SCN9A: variants seen among roughly 807,000 people sequenced by gnomAD.
The protein encoded by SCN9A is sodium channel protein type 9 subunit alpha.
Under a neutral mutation model 187.0 loss-of-function variants are expected in SCN9A, and 131 were observed. That is an observed-to-expected ratio of 0.70 (90% CI 0.61 to 0.81). SCN9A has a LOEUF of 0.81. Among genes scored for constraint, SCN9A ranks in the 30% least tolerant of loss-of-function variants. The probability of loss-of-function intolerance (pLI) is 0.00; values close to 1 mark genes in which losing one functional copy is unlikely to be tolerated. For missense variants in SCN9A, 2,252 were observed against 2,396.6 expected, an observed-to-expected ratio of 0.94 and a Z score of 1.26; for synonymous variants, 809 against 808.6, an observed-to-expected ratio of 1.00 and a Z score of -0.01.
At chr2:166,260,724 T>C (rs921007057) in intron 17 of SCN9A, among the ~76,000 whole-genome samples, 2 of 151,856 alleles carry the variant, frequency 1.3e-5, no homozygotes, top group African/African-American at 4.8e-5. Flanking sequence ...TCTATGCCTA[T>C]TATAATTCTG....
At chr2:166,347,198 T>G (rs1207387987) in intron 1 of SCN9A, among the ~76,000 whole-genome samples, 1 of 152,240 alleles carries the variant, frequency 6.6e-6, no homozygotes, top group Non-Finnish European at 1.5e-5. Context: ...CTTGCCGTCT[T>G]TATAGCCCAT....
intron 24 of SCN9A, among the ~76,000 whole-genome samples, chr2:166,208,144 C>G (rs1693905919): frequency 6.6e-6 from 1 of 152,124 alleles, no homozygotes. Flanking sequence ...CCCTTTAAAA[C>G]CTAGGTGGAA....
chr2:166,255,581 C>CA (rs1277071905), intron 17 of SCN9A, among the ~76,000 whole-genome samples: 2 of 151,288 alleles, frequency 1.3e-5, no homozygotes, highest in African/African-American at 4.8e-5. Flanking sequence ...CAGCACTGTA[C>CA]AAAACACAGA....
chr2:166,260,578 G>A lies in SCN9A; in HGVS notation c.3352-8693C>T, dbSNP rs146519746. 2.2e-3 allele frequency among the ~76,000 whole-genome samples: 327 copies of A among 151,946 alleles called. 2 individuals are homozygous for A. Among genetic ancestry groups the A allele is most frequent in the African/African-American group, 7.6e-3 (315 of 41,510 alleles). ...TTTACCTAAGGTGCAAGCTATTAGA[G>A]TGTATACTTTTTGTTGTCAATGATC... On this transcript the variant is annotated intron_variant, in intron 17 of 26. Coordinates refer to ENST00000642356, the MANE Select transcript of SCN9A (RefSeq NM_001365536.1).
At chr2:166,236,273 C>T (rs1049435290) in intron 20 of SCN9A, among the ~76,000 whole-genome samples, 1 of 151,704 alleles carries the variant, frequency 6.6e-6, no homozygotes, top group African/African-American at 2.4e-5. Flanking sequence ...ATTACTATAT[C>T]CGAAGTTAGA....
intron 1 of SCN9A, among the ~76,000 whole-genome samples, chr2:166,333,778 GA>G (rs1345294554): frequency 6.6e-6 from 1 of 151,812 alleles, no homozygotes; most frequent in African/African-American, 2.4e-5. Flanking sequence ...TCCATTAAAG[GA>G]TCAAATTCTT....
intron 1 of SCN9A, among the ~76,000 whole-genome samples, chr2:166,313,359 G>A (rs183628282): frequency 6.6e-6 from 1 of 152,172 alleles, no homozygotes; most frequent in East Asian, 1.9e-4. Flanking sequence ...GACCTTCATT[G>A]CAAATCTGTT....
chr2:166,314,896 T>G (rs6718791), intron 1 of SCN9A, among the ~76,000 whole-genome samples: 96,996 of 151,958 alleles, frequency 0.64, 31,626 homozygotes, highest in African/African-American at 0.75. Context: ...TAATGATGAT[T>G]GTTGCATACC....
intron 17 of SCN9A, among the ~76,000 whole-genome samples, chr2:166,272,058 A>G (rs1041723809): frequency 3.3e-5 from 5 of 152,064 alleles, no homozygotes; most frequent in African/African-American, 1.2e-4. Flanking sequence ...AGTGAGTACA[A>G]AGGAAAGGTG....
intron 1 of SCN9A, among the ~76,000 whole-genome samples, chr2:166,373,905 T>A (rs1330479906): frequency 6.6e-6 from 1 of 152,208 alleles, no homozygotes; most frequent in Non-Finnish European, 1.5e-5. Context: ...TCATGTAAAA[T>A]GAAAAATTCT....
chr2:166,260,673 G>A (rs1369267557), intron 17 of SCN9A, among the ~76,000 whole-genome samples: 1 of 151,508 alleles, frequency 6.6e-6, no homozygotes, highest in African/African-American at 2.4e-5. Context: ...ATTTATAGGG[G>A]GCCAAAAATA....
rs1309168684 is a variant in SCN9A, at chr2:166,222,945, C to CAAAAAAAAAAAAAAAAAAAAAAAA, written c.4398+3598_4398+3621dup. ...AACTCCGTCTCAAAAAAAAAAACAA[C>CAAAAAAAAAAAAAAAAAAAAAAAA]AAAAAAAAAAAAAAAAAAAAAAAAA... On this transcript the variant is annotated intron_variant, in intron 24 of 26. Coordinates refer to ENST00000642356, the MANE Select transcript of SCN9A (RefSeq NM_001365536.1). Among the ~76,000 whole-genome samples, 51 of 44,928 alleles carry CAAAAAAAAAAAAAAAAAAAAAAAA rather than the reference C, an allele frequency of 1.1e-3. 5 individuals are homozygous for CAAAAAAAAAAAAAAAAAAAAAAAA. The highest frequency in any genetic ancestry group is 1.4e-3 in the East Asian group (2 of 1,478). 29.5% of individuals were successfully genotyped at this position (44,928 alleles called of 152,430 possible).
At chr2:166,329,953 T>C (rs893220996) in intron 1 of SCN9A, among the ~76,000 whole-genome samples, 1 of 152,136 alleles carries the variant, frequency 6.6e-6, no homozygotes, top group Non-Finnish European at 1.5e-5. Context: ...CTCTCAACTT[T>C]TCCAAACAAG....
intron 19 of SCN9A, 127 bp from the exon 20 acceptor site, chr2:166,238,394 A>G: frequency 1.5e-6 from 1 of 662,852 alleles, no homozygotes; most frequent in Non-Finnish European, 2.5e-6. Context: ...GGGCCAGCTG[A>G]CATTTTTTCT....
chr2:166,246,569 T>C (rs918397696), intron 18 of SCN9A, among the ~76,000 whole-genome samples: 1 of 151,848 alleles, frequency 6.6e-6, no homozygotes, highest in Non-Finnish European at 1.5e-5. Context: ...GCGAAAAAAA[T>C]GAGATGAATT....
At chr2:166,348,289 C>T (rs1226582189) in intron 1 of SCN9A, among the ~76,000 whole-genome samples, 1 of 151,678 alleles carries the variant, frequency 6.6e-6, no homozygotes, top group Admixed American at 6.6e-5. Context: ...CTAGATATGC[C>T]CCTCAAGTTC....
At chr2:166,267,880 C>T (rs1696809497) in intron 17 of SCN9A, among the ~76,000 whole-genome samples, 1 of 152,004 alleles carries the variant, frequency 6.6e-6, no homozygotes, top group Admixed American at 6.6e-5. Context: ...TGATCAGTAG[C>T]TGCTGCAAAC....
chr2:166,360,979 T>C lies in SCN9A; in HGVS notation c.-51+14718A>G, dbSNP rs183090065. ...ATAGTAAGACAGCATAACCCAGTTG[T>C]TAAATTCATGGCTCCAGAGTGAGAG... On this transcript the variant is annotated intron_variant, in intron 1 of 26. Transcript: ENST00000642356. Among the ~76,000 whole-genome samples the C allele has an allele frequency of 9.2e-5, 14 of 152,328 alleles. No individual in the cohort carries two copies. In the East Asian group the frequency reaches 2.7e-3, roughly 29 times the overall value.
intron 1 of SCN9A, among the ~76,000 whole-genome samples, chr2:166,336,934 A>T (rs551573774): frequency 6.6e-6 from 1 of 152,274 alleles, no homozygotes; most frequent in South Asian, 2.1e-4. Context: ...TCCTTAACAA[A>T]GAAAGTGGAG....
Sources: gnomAD v4.1 joint callset for allele counts (sites outside exome capture counted in the v4.1 genomes callset) on GRCh38, gnomAD v4.1.1 for gene constraint, MANE v1.5 for transcripts, NCBI Gene and HGNC (gene_info 2026-07-23, HGNC 2026-07-21) for gene names.